DNAI3: variants seen among roughly 807,000 people sequenced by gnomAD.
DNAI3 encodes WD repeat domain 63.
In DNAI3, 83 loss-of-function variants were observed where a neutral mutation model predicts 115.5. The observed-to-expected ratio is 0.72, with a 90% CI of 0.60 to 0.86. DNAI3 has a LOEUF of 0.86. DNAI3 is among the 40% of genes least tolerant of loss of function. The pLI is 0.00. For synonymous variants in DNAI3, 320 were observed against 347.0 expected, an observed-to-expected ratio of 0.92 and a Z score of 0.86; for missense variants, 1,004 against 1,075.8, an observed-to-expected ratio of 0.93 and a Z score of 0.93.
At chr1:85,118,871 A>G (rs2100608842) in intron 17 of DNAI3, among the ~76,000 whole-genome samples, 1 of 152,120 alleles carries the variant, frequency 6.6e-6, no homozygotes, top group Middle Eastern at 3.4e-3. Context: ...TCAGGTTGAG[A>G]GTAGAATTCC....
In DNAI3 at chr1:85,082,384, G is replaced by A. The variant is rs183961018; in HGVS notation, c.370G>A (p.Gly124Ser). The A allele has an allele frequency of 4.3e-6, 7 of 1,613,100 alleles. No homozygotes were observed. Among genetic ancestry groups the A allele is most frequent in the Admixed American group, 3.3e-5 (2 of 59,968 alleles). The part of the protein sequence containing the change: ...LNFYLIATEE[G>S]KENYLNPPEV... ...CTTTTATCTTATTGCAACTGAAGAG[G>A]GCAAAGAAAACTATTTAAATGTGAG... Residue 124 changes from glycine to serine, a missense_variant, in exon 5 of 23, where the codon GGC becomes AGC. This residue lies in a region of DNAI3 where 550 missense variants were observed against 568.1 expected (regional missense o/e 0.97). Transcript: ENST00000294664.
Position 85,067,818 on chromosome 1 carries a change from T to C in DNAI3, c.-14-4110T>C, listed in dbSNP as rs553898458. 2.6e-5 allele frequency among the ~76,000 whole-genome samples: 4 copies of C among 152,156 alleles called. No homozygotes were observed. The South Asian group carries it at 8.3e-4, about 32-fold the overall frequency. On this transcript the variant is annotated intron_variant, in intron 1 of 22. Coordinates refer to ENST00000294664, the MANE Select transcript of DNAI3 (RefSeq NM_145172.5). ...AAGAAGTGCTGGTGGGCTCTAGAGA[T>C]TGGAAAAGGCAAGAAAGCAGATTCT...
At chr1:85,090,328 C>A in intron 8 of DNAI3, 96 bp downstream of exon 8, 1 of 586,842 alleles carries the variant, frequency 1.7e-6, no homozygotes, top group Non-Finnish European at 2.7e-6. Flanking sequence ...TATAGGGTAT[C>A]TAGATAAAAA....
At chr1:85,132,726 T>C (rs1437776938) in intron 22 of DNAI3, 129 bp from the exon 23 acceptor site, 2 of 1,060,660 alleles carry the variant, frequency 1.9e-6, no homozygotes, top group East Asian at 3.3e-5. Flanking sequence ...CCTGCCTTCC[T>C]GCCCTCCATC....
Position 85,126,720 on chromosome 1 carries a change from G to A in DNAI3, c.2317+5G>A. 6.2e-7 allele frequency: 1 copy of A among 1,614,028 alleles called. No individual in the cohort carries two copies. Among genetic ancestry groups the A allele is most frequent in the South Asian group, 1.1e-5 (1 of 91,054 alleles). On this transcript the variant is annotated splice_donor_5th_base_variant and intron_variant, in intron 20 of 22. Transcript: ENST00000294664. ...TCAAACCCTGGATCTTTTCTTGTAT[G>A]TTAATTCTAACTAAATAAGCTAAGT...
chr1:85,124,679 C>T (rs112196534), intron 19 of DNAI3, among the ~76,000 whole-genome samples: 29 of 152,216 alleles, frequency 1.9e-4, no homozygotes, highest in South Asian at 6.2e-4. Flanking sequence ...GACAGGTGTA[C>T]GCCACCAAGC....
chr1:85,073,489 A>T (rs375584961), intron 3 of DNAI3, among the ~76,000 whole-genome samples: 4 of 152,362 alleles, frequency 2.6e-5, no homozygotes, highest in Admixed American at 2.0e-4. Context: ...TTTTAAGCAA[A>T]TAACTAGAAC....
chr1:85,121,707 C>T (rs928984628), intron 17 of DNAI3, 44 bp from the exon 18 acceptor site: 4 of 1,571,818 alleles, frequency 2.5e-6, no homozygotes, highest in Non-Finnish European at 3.5e-6. Context: ...TCTTTTGTCT[C>T]TTAAGTTGTC....
chr1:85,133,086 A>G lies in DNAI3; in HGVS notation c.*88A>G. On this transcript the variant is annotated 3_prime_UTR_variant, in exon 23 of 23. Transcript: ENST00000294664. ...ACTGGCATGCTGAACATATATATATATAGGCTCATTTATAGACTTTTATTT... is the reference window on the plus strand; with the variant it reads ...ACTGGCATGCTGAACATATATATATGTAGGCTCATTTATAGACTTTTATTT... 7.3e-7 allele frequency: 1 copy of G among 1,366,476 alleles called. No individual in the cohort carries two copies. The highest frequency in any genetic ancestry group is 9.7e-7 in the Non-Finnish European group (1 of 1,026,402). 84.6% of individuals were successfully genotyped at this position (1,366,476 alleles called of 1,614,324 possible).
At chr1:85,067,890 G>C (rs1654145974) in intron 1 of DNAI3, among the ~76,000 whole-genome samples, 1 of 152,182 alleles carries the variant, frequency 6.6e-6, no homozygotes, top group Admixed American at 6.5e-5. Context: ...ACTGACTCTG[G>C]TTTAAGTCCA....
intron 22 of DNAI3, among the ~76,000 whole-genome samples, chr1:85,131,257 C>T (rs545816870): frequency 6.6e-6 from 1 of 151,882 alleles, no homozygotes; most frequent in South Asian, 2.1e-4. Context: ...CCAGCTTGAC[C>T]CACATGGAGA....
At chr1:85,089,017 T>A (rs1231917707) in intron 7 of DNAI3, among the ~76,000 whole-genome samples, 4 of 152,100 alleles carry the variant, frequency 2.6e-5, no homozygotes, top group Admixed American at 1.3e-4. Flanking sequence ...CCTTTACCCC[T>A]TTGTCTGATT....
chr1:85,131,624 T>G (rs1211936067), intron 22 of DNAI3, among the ~76,000 whole-genome samples: 1 of 152,180 alleles, frequency 6.6e-6, no homozygotes, highest in African/African-American at 2.4e-5. Flanking sequence ...AATTAAACTT[T>G]CATTGCATTC....
chr1:85,099,570 C>A (rs890383901), intron 13 of DNAI3, among the ~76,000 whole-genome samples: 1 of 152,140 alleles, frequency 6.6e-6, no homozygotes, highest in East Asian at 1.9e-4. Flanking sequence ...TTTATAGATT[C>A]AATGCCATCC....
intron 3 of DNAI3, among the ~76,000 whole-genome samples, chr1:85,079,652 T>C (rs1034477379): frequency 1.3e-5 from 2 of 151,832 alleles, no homozygotes; most frequent in African/African-American, 4.8e-5. Flanking sequence ...ATGATAGTGA[T>C]ATGAAGGATA....
chr1:85,069,073 G>A (rs1341220564), intron 1 of DNAI3, among the ~76,000 whole-genome samples: 2 of 152,134 alleles, frequency 1.3e-5, no homozygotes, highest in African/African-American at 2.4e-5. Context: ...GAGATGTAGG[G>A]GTCATTTGTT....
chr1:85,123,771 T>C (rs1460009947), intron 18 of DNAI3, among the ~76,000 whole-genome samples: 1 of 152,374 alleles, frequency 6.6e-6, no homozygotes, highest in Admixed American at 6.5e-5. Flanking sequence ...CAAAATCATG[T>C]TTATTTACTA....
At chr1:85,107,805 A>G (rs1206470969) in intron 14 of DNAI3, among the ~76,000 whole-genome samples, 2 of 152,214 alleles carry the variant, frequency 1.3e-5, no homozygotes, top group Non-Finnish European at 2.9e-5. Flanking sequence ...ATCAAACTCA[A>G]TTCTCATATG....
Position 85,132,859 on chromosome 1 carries a change from C to T in DNAI3, c.2537C>T (p.Thr846Ile). ...ELEMAKKKVK[T>I]YQKSKEQMQA... ...TTGTTTTTCTTCCCCCCCCAGAAAA[C>T]ATATCAGAAGTCAAAAGAACAAATG... The change falls in exon 23 of 23, where the codon ACA becomes ATA. Residue 846 changes from threonine (T) to isoleucine (I), a missense_variant. Transcript: ENST00000294664. 6.2e-7 allele frequency: 1 copy of T among 1,612,172 alleles called. No homozygotes were observed. Among genetic ancestry groups the T allele is most frequent in the South Asian group, 1.1e-5 (1 of 90,712 alleles).
Sources: gnomAD v4.1 joint callset for allele counts (sites outside exome capture counted in the v4.1 genomes callset) on GRCh38, gnomAD v4.1.1 for gene constraint, gnomAD v4.1.1 regional missense constraint, MANE v1.5 for transcripts, NCBI Gene and HGNC (gene_info 2026-07-23, HGNC 2026-07-21) for gene names.